The following RNF145 variants were observed in gnomAD, a reference collection of about 807,000 sequenced individuals.
RNF145 encodes the protein ring finger protein 145.
Under a neutral mutation model 57.3 loss-of-function variants are expected in RNF145, and 12 were observed. That is an observed-to-expected ratio of 0.21 (90% CI 0.13 to 0.34). RNF145 has a LOEUF of 0.34. Among genes scored for constraint, RNF145 ranks in the 10% least tolerant of loss-of-function variants. The pLI, the probability that RNF145 is intolerant of heterozygous loss-of-function variation, is 1.00. For synonymous variants in RNF145, 262 were observed against 288.3 expected, an observed-to-expected ratio of 0.91 and a Z score of 0.92; for missense variants, 429 against 799.0, an observed-to-expected ratio of 0.54 and a Z score of 5.58.
intron 9 of RNF145, among the ~76,000 whole-genome samples, chr5:159,161,907 T>G (rs796866742): frequency 6.6e-6 from 1 of 152,316 alleles, no homozygotes; most frequent in African/African-American, 2.4e-5. Flanking sequence ...GTAATCAATT[T>G]TTTGATTCAT....
In RNF145 at chr5:159,184,444, A is replaced by G. The variant is rs538549183; in HGVS notation, c.294-2393T>C. On this transcript the variant is annotated intron_variant, in intron 3 of 10. Coordinates refer to ENST00000424310, the MANE Select transcript of RNF145 (RefSeq NM_001199383.2). ...AGACTCTGCTAATACTGCACATTCC[A>G]TACTAGCACGCAACTTATAAACAGG... is the stretch of plus-strand genomic sequence containing the variant. Among the ~76,000 whole-genome samples, 10 of 152,326 alleles carry G rather than the reference A, an allele frequency of 6.6e-5. No homozygotes were observed. In the East Asian group the frequency reaches 1.9e-3, roughly 29 times the overall value.
chr5:159,176,310 G>A (rs1784717775), intron 5 of RNF145, among the ~76,000 whole-genome samples: 2 of 152,070 alleles, frequency 1.3e-5, no homozygotes, highest in African/African-American at 4.8e-5. Context: ...AACTCTATGA[G>A]GAAAGCACAG....
chr5:159,195,836 A>C (rs1432815669), intron 2 of RNF145, among the ~76,000 whole-genome samples: 1 of 152,196 alleles, frequency 6.6e-6, no homozygotes, highest in East Asian at 1.9e-4. Flanking sequence ...CTCATTTCTT[A>C]ATCTAAGTAG....
intron 8 of RNF145, among the ~76,000 whole-genome samples, chr5:159,165,769 C>T (rs964338313): frequency 1.4e-5 from 2 of 147,978 alleles, no homozygotes; most frequent in Non-Finnish European, 3.0e-5. Flanking sequence ...TTTGGATTTA[C>T]TTTTTTACCT....
At chr5:159,182,584 GATAATT>G (rs1169969331) in intron 3 of RNF145, among the ~76,000 whole-genome samples, 1 of 151,970 alleles carries the variant, frequency 6.6e-6, no homozygotes, top group East Asian at 1.9e-4. Flanking sequence ...TGAAATCTAA[GATAATT>G]ATAATATTTA....
chr5:159,169,526 T>C (rs1364014297), intron 7 of RNF145, among the ~76,000 whole-genome samples, 153 bp downstream of exon 7: 6 of 152,234 alleles, frequency 3.9e-5, no homozygotes, highest in Non-Finnish European at 7.3e-5. Context: ...ATGTATTTTT[T>C]CATAGTATTT....
intron 8 of RNF145, among the ~76,000 whole-genome samples, chr5:159,166,960 AAAATAAATAAAT>A (rs57272070): frequency 6.6e-6 from 1 of 151,948 alleles, no homozygotes; most frequent in South Asian, 2.1e-4. Context: ...TCCATCTCTA[AAAATAAATAAAT>A]AAATAAATAA....
chr5:159,165,924 G>A (rs1372418792), intron 8 of RNF145, among the ~76,000 whole-genome samples: 2 of 152,026 alleles, frequency 1.3e-5, no homozygotes, highest in Non-Finnish European at 1.5e-5. Flanking sequence ...ACTGTTCTAC[G>A]AACATTCTTC....
At position 159,178,252 on chromosome 5, in the gene RNF145, G is replaced by A. The variant is rs76255860; in HGVS notation, c.386-1385C>T. Reference sequence around the variant, plus strand: ...ATTGTGGAATAAGAAAATAAAGATCGAAGTTTGTTTTTTGTACATGTTTAG... The same window carrying A: ...ATTGTGGAATAAGAAAATAAAGATCAAAGTTTGTTTTTTGTACATGTTTAG... On this transcript the variant is annotated intron_variant, in intron 4 of 10. Coordinates refer to ENST00000424310, the MANE Select transcript of RNF145 (RefSeq NM_001199383.2). Among the ~76,000 whole-genome samples the A allele has an allele frequency of 7.2e-5, 11 of 151,934 alleles. No homozygotes were observed. In the East Asian group the frequency reaches 1.7e-3, roughly 24 times the overall value.
rs1397912148 is a variant in RNF145 at position 159,203,401 on chromosome 5, T to C, written c.184+33A>G. On this transcript the variant is annotated intron_variant, in intron 2 of 10. Transcript: ENST00000424310. ...CTAAGACATAAATCAGAATGCTCAC[T>C]AGAAGATTAGAAAATGTGATGTAGA... is the stretch of plus-strand genomic sequence containing the variant. The C allele has an allele frequency of 6.3e-6, 9 of 1,428,910 alleles. No homozygotes were observed. The Admixed American group carries it at 8.5e-5, about 13-fold the overall frequency. 88.5% of individuals were successfully genotyped at this position (1,428,910 alleles called of 1,614,324 possible).
chr5:159,180,042 T>G (rs1784839060), intron 4 of RNF145, among the ~76,000 whole-genome samples: 2 of 152,150 alleles, frequency 1.3e-5, no homozygotes, highest in African/African-American at 4.8e-5. Context: ...CTTCTTTCTC[T>G]TTTTTGACCT....
chr5:159,162,483 G>A (rs192850410), intron 9 of RNF145, among the ~76,000 whole-genome samples: 5 of 147,858 alleles, frequency 3.4e-5, no homozygotes, highest in Non-Finnish European at 5.9e-5. Flanking sequence ...GCCGGACTGC[G>A]GACTGCAGTG....
At chr5:159,178,784 A>C (rs982233337) in intron 4 of RNF145, among the ~76,000 whole-genome samples, 2 of 152,052 alleles carry the variant, frequency 1.3e-5, no homozygotes, top group African/African-American at 4.8e-5. Context: ...AATCCAAAAC[A>C]CTTCTGGTGC....
At chr5:159,168,702 A>G (rs1168608846) in intron 8 of RNF145, among the ~76,000 whole-genome samples, 171 bp downstream of exon 8, 3 of 152,202 alleles carry the variant, frequency 2.0e-5, no homozygotes, top group African/African-American at 4.8e-5. Context: ...CAAGTAAGTC[A>G]GACATCTCAT....
chr5:159,209,355 C>G lies in RNF145; in HGVS notation c.-164G>C. The stretch of plus-strand genomic sequence containing the variant: ...CGGCGGGGGCCGGTACGGCACGGCT[C>G]ACAGCGGCGGCTCTTCTGCGCCGAG... On this transcript the variant is annotated 5_prime_UTR_variant, in exon 1 of 11. It removes the in-frame stop codon of an upstream open reading frame in the 5' UTR. Transcript: ENST00000424310. 1 of 986,218 alleles carries G rather than the reference C, an allele frequency of 1.0e-6. No homozygotes were observed. Among genetic ancestry groups the G allele is most frequent in the Middle Eastern group, 5.2e-4 (1 of 1,918 alleles). 61.1% of individuals were successfully genotyped at this position (986,218 alleles called of 1,614,324 possible).
At chr5:159,166,814 T>C (rs1269384813) in intron 8 of RNF145, among the ~76,000 whole-genome samples, 3 of 152,162 alleles carry the variant, frequency 2.0e-5, no homozygotes, top group Non-Finnish European at 4.4e-5. Flanking sequence ...ATTCCTCTTA[T>C]AGTTTGAAAG....
chr5:159,181,820 A>T (rs1441969219), intron 4 of RNF145, 140 bp downstream of exon 4: 1 of 547,718 alleles, frequency 1.8e-6, no homozygotes, highest in African/African-American at 1.9e-5. Flanking sequence ...AAACCACCAA[A>T]CAATGGGTAT....
chr5:159,193,746 G>T (rs1200231724), intron 3 of RNF145, among the ~76,000 whole-genome samples: 1 of 152,066 alleles, frequency 6.6e-6, no homozygotes, highest in Admixed American at 6.5e-5. Context: ...ACTCAACAAT[G>T]TAATTCTAAT....
chr5:159,199,404 C>T (rs1198058075), intron 2 of RNF145, among the ~76,000 whole-genome samples: 1 of 138,330 alleles, frequency 7.2e-6, no homozygotes, highest in Admixed American at 7.1e-5. Context: ...AAAAAAAAAA[C>T]ACTTTCAAGA....
Sources: allele counts gnomAD v4.1 joint callset (sites outside exome capture counted in the v4.1 genomes callset), GRCh38; gene constraint gnomAD v4.1.1; transcripts MANE v1.5; gene names NCBI Gene and HGNC (gene_info 2026-07-23, HGNC 2026-07-21).